GPC5: variants seen among roughly 807,000 people sequenced by gnomAD.
GPC5 encodes glypican-5.
GPC5 carries 47 observed loss-of-function variants against 53.9 expected under a neutral mutation model. The observed-to-expected ratio is 0.87, with a 90% CI of 0.69 to 1.11. The LOEUF (loss-of-function observed/expected upper bound fraction) is 1.11. GPC5 is among the 50% of genes most tolerant of loss of function. The pLI, the probability that GPC5 is intolerant of heterozygous loss-of-function variation, is 0.00. For missense variants in GPC5, 748 were observed against 713.1 expected, an observed-to-expected ratio of 1.05 and a Z score of -0.56; for synonymous variants, 286 against 263.3, an observed-to-expected ratio of 1.09 and a Z score of -0.84.
At chr13:91,825,126 G>A (rs1049048016) in intron 5 of GPC5, among the ~76,000 whole-genome samples, 5 of 151,632 alleles carry the variant, frequency 3.3e-5, no homozygotes, top group African/African-American at 1.2e-4. Context: ...AGAGAGGATC[G>A]GGTGGGGGAG....
intron 2 of GPC5, among the ~76,000 whole-genome samples, chr13:91,555,497 A>G (rs917524091): frequency 1.3e-5 from 2 of 152,056 alleles, no homozygotes; most frequent in Non-Finnish European, 2.9e-5. Flanking sequence ...TTTCTTGGCC[A>G]CCAGAGACTT....
intron 5 of GPC5, among the ~76,000 whole-genome samples, chr13:91,873,490 G>A (rs1475538030): frequency 6.6e-6 from 1 of 152,042 alleles, no homozygotes; most frequent in Non-Finnish European, 1.5e-5. Flanking sequence ...CTGTTCTTAT[G>A]ATAGTGAATA....
intron 7 of GPC5, among the ~76,000 whole-genome samples, chr13:92,464,755 C>T (rs1482451062): frequency 6.6e-6 from 1 of 151,836 alleles, no homozygotes; most frequent in African/African-American, 2.4e-5. Context: ...AATTATATAG[C>T]ATATCATGAT....
At chr13:92,481,343 C>A (rs1199421914) in intron 7 of GPC5, among the ~76,000 whole-genome samples, 3 of 152,064 alleles carry the variant, frequency 2.0e-5, no homozygotes, top group Non-Finnish European at 4.4e-5. Context: ...TCTCGTGATC[C>A]GCCCACCTTG....
intron 7 of GPC5, among the ~76,000 whole-genome samples, chr13:92,594,659 C>G (rs1439634176): frequency 6.6e-6 from 1 of 152,212 alleles, no homozygotes; most frequent in Non-Finnish European, 1.5e-5. Context: ...TGAAACATGT[C>G]TCAGGCTGCT....
At chr13:92,519,486 G>A (rs563981631) in intron 7 of GPC5, among the ~76,000 whole-genome samples, 16 of 152,228 alleles carry the variant, frequency 1.1e-4, no homozygotes, top group East Asian at 5.8e-4. Context: ...ACTCAAAACC[G>A]CTCAACTACG....
chr13:91,424,047 A>T (rs986324636), intron 1 of GPC5, among the ~76,000 whole-genome samples: 18 of 152,216 alleles, frequency 1.2e-4, no homozygotes, highest in African/African-American at 4.3e-4. Flanking sequence ...TGGGAAACAA[A>T]GAAGATTCCT....
chr13:91,716,417 A>G (rs891941776), intron 3 of GPC5, among the ~76,000 whole-genome samples: 8 of 152,232 alleles, frequency 5.3e-5, no homozygotes, highest in Non-Finnish European at 1.0e-4. Context: ...TTGACAAACA[A>G]TTGATACTGT....
chr13:91,449,157 C>T (rs941993694), intron 2 of GPC5, among the ~76,000 whole-genome samples: 42 of 151,938 alleles, frequency 2.8e-4, no homozygotes, highest in Admixed American at 1.4e-3. Context: ...GTGAAATGAT[C>T]GTTGGAAATA....
At position 91,871,467 on chromosome 13, in the gene GPC5, T is replaced by C. The variant is rs944642809; in HGVS notation, c.1281-36470T>C. Among the ~76,000 whole-genome samples the C allele has an allele frequency of 2.6e-5, 4 of 151,988 alleles. No homozygotes were observed. In the South Asian group the frequency reaches 8.3e-4, roughly 32 times the overall value. On this transcript the variant is annotated intron_variant, in intron 5 of 7. Coordinates refer to ENST00000377067, the MANE Select transcript of GPC5 (RefSeq NM_004466.6). ...AATCCCTGTGATGTATGTTTATTTA[T>C]GTAACAACCCTTCACATGTACCCCC... is the stretch of plus-strand genomic sequence containing the variant.
chr13:92,692,485 C>G (rs1399995366), intron 7 of GPC5, among the ~76,000 whole-genome samples: 1 of 146,708 alleles, frequency 6.8e-6, no homozygotes, highest in African/African-American at 2.5e-5. Context: ...AATTTACATT[C>G]CCATCACACA....
intron 7 of GPC5, among the ~76,000 whole-genome samples, chr13:92,238,110 A>G (rs2042583435): frequency 6.6e-6 from 1 of 152,018 alleles, no homozygotes; most frequent in South Asian, 2.1e-4. Flanking sequence ...GTTTGTTATA[A>G]AAACGCTCCT....
intron 7 of GPC5, among the ~76,000 whole-genome samples, chr13:92,483,907 G>T (rs11843627): frequency 1.3e-5 from 2 of 151,940 alleles, no homozygotes; most frequent in African/African-American, 4.8e-5. Context: ...GTGGGAAAAG[G>T]CCTCCTCCTC....
intron 7 of GPC5, among the ~76,000 whole-genome samples, chr13:92,622,519 ACTC>A (rs1410699138): frequency 2.0e-5 from 3 of 151,056 alleles, no homozygotes; most frequent in African/African-American, 7.3e-5. Context: ...GAGGCACCCT[ACTC>A]TCCTATGCTA....
chr13:92,668,548 T>A lies in GPC5; in HGVS notation c.1562-197734T>A, dbSNP rs114096226. ...TAATGCTAAAATTGCCTGTGACTTA[T>A]ATTCCTTAAGGTTTTCTATTCTTTC... On this transcript the variant is annotated intron_variant, in intron 7 of 7. Coordinates refer to ENST00000377067, the MANE Select transcript of GPC5 (RefSeq NM_004466.6). Among the ~76,000 whole-genome samples, 998 of 152,314 alleles carry A rather than the reference T, an allele frequency of 6.6e-3. 10 individuals carry two copies. Among genetic ancestry groups the A allele is most frequent in the African/African-American group, 0.023 (955 of 41,590 alleles).
intron 7 of GPC5, among the ~76,000 whole-genome samples, chr13:92,681,205 A>T (rs896313171): frequency 1.3e-5 from 2 of 152,096 alleles, no homozygotes. Context: ...AAAATAAAAA[A>T]AATTCCAAAA....
chr13:92,376,817 C>A (rs1032632333), intron 7 of GPC5, among the ~76,000 whole-genome samples: 3 of 151,932 alleles, frequency 2.0e-5, no homozygotes, highest in Non-Finnish European at 4.4e-5. Flanking sequence ...GAGTTTGAGA[C>A]AAGCCTGGCC....
At chr13:92,441,597 G>C (rs1459794431) in intron 7 of GPC5, among the ~76,000 whole-genome samples, 1 of 152,060 alleles carries the variant, frequency 6.6e-6, no homozygotes, top group Non-Finnish European at 1.5e-5. Flanking sequence ...AGCCACAAAA[G>C]AGTAAAATAC....
At chr13:92,308,158 T>C (rs1038362865) in intron 7 of GPC5, among the ~76,000 whole-genome samples, 1 of 152,176 alleles carries the variant, frequency 6.6e-6, no homozygotes, top group Non-Finnish European at 1.5e-5. Context: ...ATTACTACTT[T>C]TGTAACCTCC....
Sources: allele counts gnomAD v4.1 joint callset (sites outside exome capture counted in the v4.1 genomes callset), GRCh38; gene constraint gnomAD v4.1.1; transcripts MANE v1.5; gene names NCBI Gene and HGNC (gene_info 2026-07-23, HGNC 2026-07-21).